The following PDK1 variants were observed in gnomAD, a reference collection of about 807,000 sequenced individuals.
The protein encoded by PDK1 is [Pyruvate dehydrogenase (acetyl-transferring)] kinase isozyme 1, mitochondrial.
A neutral mutation model predicts 54.2 loss-of-function variants in PDK1; 39 were observed. The observed-to-expected ratio is 0.72, with a 90% CI of 0.56 to 0.94. PDK1 has a LOEUF of 0.94. PDK1 is among the 40% of genes least tolerant of loss of function. The probability of loss-of-function intolerance (pLI) is 0.00; values close to 1 mark genes in which losing one functional copy is unlikely to be tolerated. For missense variants in PDK1, 552 were observed against 566.0 expected (o/e 0.98, Z 0.25); for synonymous variants, 221 against 207.1 (o/e 1.07, Z -0.58).
the PDK1 span, among the ~76,000 whole-genome samples, chr2:172,614,837 TC>T: frequency 6.6e-6 from 1 of 152,226 alleles, no homozygotes; most frequent in African/African-American, 2.4e-5. Flanking sequence ...GTAACAATAA[TC>T]TATTTCTAAT....
chr2:172,588,186 A>G (rs1690369116), intron 9 of PDK1, among the ~76,000 whole-genome samples: 1 of 152,256 alleles, frequency 6.6e-6, no homozygotes, highest in Non-Finnish European at 1.5e-5. Context: ...ACAATGTCAA[A>G]TGATAAACAT....
At chr2:172,583,361 A>G (rs1174425307) in intron 8 of PDK1, among the ~76,000 whole-genome samples, 1 of 138,950 alleles carries the variant, frequency 7.2e-6, no homozygotes, top group African/African-American at 2.8e-5. Context: ...CAGTGGTACA[A>G]CCTTGGCTCA....
At chr2:172,626,046 G>A in the PDK1 span, among the ~76,000 whole-genome samples, 3 of 152,188 alleles carry the variant, frequency 2.0e-5, no homozygotes, top group African/African-American at 7.2e-5. Context: ...ATGCAGTCAT[G>A]TATTTGATTC....
At chr2:172,703,766 C>CTTTTTTTTTTTTTTTCTTTTT in the PDK1 span, among the ~76,000 whole-genome samples, 1 of 89,118 alleles carries the variant, frequency 1.1e-5, no homozygotes, top group African/African-American at 4.8e-5. Flanking sequence ...TTCTTTCTTT[C>CTTTTTTTTTTTTTTTCTTTTT]TTTTTTTTTT....
At chr2:172,683,850 A>G in the PDK1 span, among the ~76,000 whole-genome samples, 3 of 152,206 alleles carry the variant, frequency 2.0e-5, no homozygotes, top group Non-Finnish European at 4.4e-5. Flanking sequence ...TGTGCTGGGA[A>G]ACACTGACCT....
the PDK1 span, among the ~76,000 whole-genome samples, chr2:172,631,715 C>T: frequency 6.6e-6 from 1 of 152,020 alleles, no homozygotes; most frequent in Non-Finnish European, 1.5e-5. Context: ...GGTATATATC[C>T]TAAGGATATA....
chr2:172,662,367 C>T, the PDK1 span, among the ~76,000 whole-genome samples: 4 of 151,942 alleles, frequency 2.6e-5, no homozygotes, highest in South Asian at 2.1e-4. Flanking sequence ...AAAAATGTAT[C>T]GATAAGCAAA....
the PDK1 span, among the ~76,000 whole-genome samples, chr2:172,623,879 C>T: frequency 6.6e-6 from 1 of 152,134 alleles, no homozygotes; most frequent in Non-Finnish European, 1.5e-5. Flanking sequence ...CTTAAAATTC[C>T]ATAGGTTGGT....
chr2:172,678,508 T>C, the PDK1 span, among the ~76,000 whole-genome samples: 1 of 152,174 alleles, frequency 6.6e-6, no homozygotes, highest in Admixed American at 6.5e-5. Flanking sequence ...AAATAATGCT[T>C]ATGCATTATA....
the PDK1 span, among the ~76,000 whole-genome samples, chr2:172,643,622 TG>T: frequency 2.0e-5 from 3 of 151,888 alleles, no homozygotes; most frequent in Non-Finnish European, 2.9e-5. Flanking sequence ...ACTCAAGGGG[TG>T]GCCAAGGGGC....
At chr2:172,714,147 T>G in the PDK1 span, among the ~76,000 whole-genome samples, 18 of 152,368 alleles carry the variant, frequency 1.2e-4, no homozygotes, top group African/African-American at 4.1e-4. Flanking sequence ...TGAAAAACAA[T>G]GTGCCTTCTC....
chr2:172,656,223 T>C, the PDK1 span, among the ~76,000 whole-genome samples: 535 of 152,338 alleles, frequency 3.5e-3, 8 homozygotes, highest in East Asian at 0.013. Context: ...TGAGCCTCCA[T>C]ATGATAGTGG....
chr2:172,674,657 C>T, the PDK1 span: 1 of 152,396 alleles, frequency 6.6e-6, no homozygotes, highest in African/African-American at 2.4e-5. Flanking sequence ...TGAAGATTTT[C>T]TCTCTTCCTA....
At chr2:172,575,452 T>C (rs1689526912) in intron 8 of PDK1, among the ~76,000 whole-genome samples, 1 of 152,218 alleles carries the variant, frequency 6.6e-6, no homozygotes, top group Non-Finnish European at 1.5e-5. Context: ...TGAGCTTGTC[T>C]TTGTGGAAAG....
chr2:172,713,219 G>A, the PDK1 span, among the ~76,000 whole-genome samples: 4 of 152,208 alleles, frequency 2.6e-5, no homozygotes, highest in Admixed American at 6.5e-5. Flanking sequence ...GTCCAAGTCC[G>A]GGATTTTATG....
chr2:172,588,274 A>G (rs141597306), intron 9 of PDK1, among the ~76,000 whole-genome samples: 95 of 152,328 alleles, frequency 6.2e-4, no homozygotes, highest in African/African-American at 2.0e-3. Flanking sequence ...TAGTAAACGA[A>G]TATTGTAGAA....
At chr2:172,692,119 T>G in the PDK1 span, among the ~76,000 whole-genome samples, 2 of 152,208 alleles carry the variant, frequency 1.3e-5, no homozygotes, top group African/African-American at 4.8e-5. Flanking sequence ...TTCAGAATTA[T>G]GTAACCTTTG....
chr2:172,588,830 G>C (rs986035810), intron 9 of PDK1, among the ~76,000 whole-genome samples: 5 of 152,174 alleles, frequency 3.3e-5, no homozygotes, highest in Non-Finnish European at 7.3e-5. Flanking sequence ...AGTCCGGAGA[G>C]GAACATCCAC....
At chr2:172,634,784 AAAAAGAT>A in the PDK1 span, among the ~76,000 whole-genome samples, 7 of 152,012 alleles carry the variant, frequency 4.6e-5, no homozygotes, top group African/African-American at 1.4e-4. Context: ...AAAAAAAAAA[AAAAAGAT>A]AAGGTTTTTT....
Sources: allele counts gnomAD v4.1 joint callset (sites outside exome capture counted in the v4.1 genomes callset), GRCh38; gene constraint gnomAD v4.1.1; transcripts MANE v1.5; gene names NCBI Gene and HGNC (gene_info 2026-07-23, HGNC 2026-07-21).